The following PRAMEF26 variants were observed in gnomAD, a reference collection of about 807,000 sequenced individuals.
PRAMEF26 encodes PRAME family member 26.
chr1:13,155,219 A>G (rs1379753003), intron 1 of PRAMEF26: 1 of 147,480 alleles, frequency 6.8e-6, no homozygotes, highest in Non-Finnish European at 1.5e-5. Flanking sequence ...GCTAATTAAA[A>G]AAAAAAAAAA....
At chr1:13,150,494 C>A (rs1417281526) in intron 3 of PRAMEF26, 3 of 63,526 alleles carry the variant, frequency 4.7e-5, no homozygotes, top group Non-Finnish European at 1.1e-4. Context: ...GCAGGCGTCC[C>A]TGACACGCCT....
intron 1 of PRAMEF26, 51 bp downstream of exon 1, chr1:13,155,833 C>A (rs1643001203): frequency 2.1e-5 from 2 of 96,440 alleles, no homozygotes; most frequent in South Asian, 7.0e-4. Flanking sequence ...CATCCCAGAC[C>A]AGCTGACTGT....
At chr1:13,155,700 A>G (rs1642999943) in intron 1 of PRAMEF26, 184 bp downstream of exon 1, 1 of 92,174 alleles carries the variant, frequency 1.1e-5, no homozygotes, top group Non-Finnish European at 1.9e-5. Flanking sequence ...CCAAAGCACA[A>G]TCAACTTTTT....
At chr1:13,155,168 AC>A (rs1642992916) in intron 1 of PRAMEF26, 2 of 143,702 alleles carry the variant, frequency 1.4e-5, no homozygotes, top group Admixed American at 1.4e-4. Context: ...CACACCAGCC[AC>A]CCAAATAGCT....
intron 1 of PRAMEF26, 157 bp downstream of exon 1, chr1:13,155,727 C>G (rs1643000145): frequency 1.1e-5 from 1 of 94,406 alleles, no homozygotes; most frequent in African/African-American, 8.7e-5. Context: ...AAAGACAGAA[C>G]TCTATTTAGA....
intron 1 of PRAMEF26, chr1:13,155,511 G>C (rs1430676238): frequency 1.2e-5 from 1 of 81,606 alleles, no homozygotes; most frequent in Non-Finnish European, 2.3e-5. Flanking sequence ...GCAACACAGC[G>C]AGACTCCATC....
intron 3 of PRAMEF26, 138 bp from the exon 4 acceptor site, chr1:13,149,936 T>C: frequency 3.6e-6 from 1 of 276,012 alleles, no homozygotes; most frequent in Non-Finnish European, 6.9e-6. Context: ...TGGTCAACAC[T>C]TCGGATGATG....
intron 1 of PRAMEF26, chr1:13,155,543 AC>A (rs1248412134): frequency 1.3e-5 from 1 of 77,850 alleles, no homozygotes; most frequent in Non-Finnish European, 2.4e-5. Context: ...AAAAAAAAAA[AC>A]GTTGTGTAGA....
At chr1:13,150,515 C>T (rs2100335350) in intron 3 of PRAMEF26, 1 of 58,166 alleles carries the variant, frequency 1.7e-5, no homozygotes, top group South Asian at 7.4e-4. Context: ...GTATCATCAG[C>T]AAACCATCTA....
chr1:13,150,273 A>AG (rs1642967748), intron 3 of PRAMEF26: 1 of 197,654 alleles, frequency 5.1e-6, no homozygotes, highest in African/African-American at 2.3e-5. Context: ...TGTATTAAAA[A>AG]AAAAAAAGGA....
At chr1:13,150,313 A>T (rs1380580236) in intron 3 of PRAMEF26, 1 of 168,314 alleles carries the variant, frequency 5.9e-6, no homozygotes, top group Non-Finnish European at 1.2e-5. Flanking sequence ...AGGCTGAGTC[A>T]TTTCACCATC....
chr1:13,155,351 C>T (rs1198642613), intron 1 of PRAMEF26: 6 of 109,234 alleles, frequency 5.5e-5, no homozygotes, highest in African/African-American at 2.4e-4. Context: ...AAACCCCCGC[C>T]CCTACTAAAA....
chr1:13,155,288 G>A (rs1642995310), intron 1 of PRAMEF26: 1 of 138,356 alleles, frequency 7.2e-6, no homozygotes, highest in Admixed American at 7.3e-5. Flanking sequence ...GGAGGCCAAG[G>A]CAGGTGGATC....
intron 1 of PRAMEF26, chr1:13,155,056 G>GT (rs1366610921): frequency 1.0e-5 from 1 of 95,572 alleles, no homozygotes; most frequent in Non-Finnish European, 2.2e-5. Context: ...TGTTGCTTTT[G>GT]TTTTTTGGAC....
At chr1:13,150,332 G>C (rs1282008341) in intron 3 of PRAMEF26, 2 of 147,244 alleles carry the variant, frequency 1.4e-5, no homozygotes, top group East Asian at 2.3e-4. Context: ...TCATTTATAG[G>C]AATGGATCAA....
At chr1:13,155,527 C>A (rs1433287593) in intron 1 of PRAMEF26, 3 of 78,688 alleles carry the variant, frequency 3.8e-5, no homozygotes, top group African/African-American at 8.3e-5. Flanking sequence ...CCATCCCCAT[C>A]CTCAAAAAAA....
At chr1:13,150,369 T>C (rs1642969185) in intron 3 of PRAMEF26, 1 of 101,596 alleles carries the variant, frequency 9.8e-6, no homozygotes, top group Admixed American at 1.2e-4. Context: ...AAGCTCCCTT[T>C]CCTCATCTGT....
chr1:13,155,326 C>G, intron 1 of PRAMEF26: 1 of 127,102 alleles, frequency 7.9e-6, no homozygotes, highest in South Asian at 2.5e-4. Flanking sequence ...TGAGACCAAA[C>G]TGGCCAGCAT....
intron 1 of PRAMEF26, chr1:13,155,530 CAAA>C (rs1230180802): frequency 1.8e-5 from 1 of 55,666 alleles, no homozygotes; most frequent in Non-Finnish European, 3.2e-5. Context: ...TCCCCATCCT[CAAA>C]AAAAAAAAAA....
Sources: allele counts gnomAD v4.1 joint callset, GRCh38; gene constraint gnomAD v4.1.1; transcripts MANE v1.5; gene names NCBI Gene and HGNC (gene_info 2026-07-23, HGNC 2026-07-21).